Variants in CPM observed in about 807,000 individuals in gnomAD.
The protein encoded by CPM is renal carboxypeptidase.
In CPM, 35 loss-of-function variants were observed where a neutral mutation model predicts 46.4. That is an observed-to-expected ratio of 0.75 (90% confidence interval 0.58 to 1.00). The LOEUF is 1.00. Among genes scored for constraint, CPM ranks in the 50% least tolerant of loss-of-function variants. The pLI is 0.00. For synonymous variants in CPM, 195 were observed against 195.3 expected, an observed-to-expected ratio of 1.00 and a Z score of 0.01; for missense variants, 422 against 530.4, an observed-to-expected ratio of 0.80 and a Z score of 2.01.
At chr12:68,907,311 T>G (rs1887393539) in intron 2 of CPM, among the ~76,000 whole-genome samples, 3 of 152,328 alleles carry the variant, frequency 2.0e-5, no homozygotes, top group Middle Eastern at 6.8e-3. Context: ...AGGGTGATTC[T>G]GCGAACCTGG....
rs146717631 is a variant in CPM at position 68,889,820 on chromosome 12, C to T, written c.161-3931G>A. Among the ~76,000 whole-genome samples, 978 of 152,248 alleles carry T rather than the reference C, an allele frequency of 6.4e-3. 16 individuals carry two copies. Among genetic ancestry groups the T allele is most frequent in the African/African-American group, 0.022 (933 of 41,528 alleles). On this transcript the variant is annotated intron_variant, in intron 2 of 8. Coordinates refer to ENST00000551568, the MANE Select transcript of CPM (RefSeq NM_198320.5). ...GGCGCAAGTCCACTTGTGTCAGCAG[C>T]GTGTGTCAGCAAGATAGCAGAAGCA...
At chr12:68,899,953 T>C (rs1054674000) in intron 2 of CPM, among the ~76,000 whole-genome samples, 2 of 152,164 alleles carry the variant, frequency 1.3e-5, no homozygotes, top group African/African-American at 4.8e-5. Context: ...ATAAAGCAAA[T>C]GTGGCAAAAT....
intron 2 of CPM, among the ~76,000 whole-genome samples, chr12:68,913,089 G>A (rs1486042421): frequency 2.6e-5 from 4 of 151,580 alleles, no homozygotes; most frequent in Non-Finnish European, 5.9e-5. Flanking sequence ...AAGGATGCTG[G>A]GTAGATGCTG....
intron 2 of CPM, among the ~76,000 whole-genome samples, chr12:68,906,253 G>A (rs930626732): frequency 1.3e-5 from 2 of 152,250 alleles, no homozygotes; most frequent in Middle Eastern, 3.4e-3. Context: ...AGAATTACCT[G>A]AGGTATTTGT....
Position 68,959,191 on chromosome 12 carries a change from T to A in CPM, c.-4+3978A>T, listed in dbSNP as rs535313596. 7.2e-5 allele frequency among the ~76,000 whole-genome samples: 11 copies of A among 152,324 alleles called. No individual in the cohort carries two copies. The East Asian group carries it at 2.1e-3, about 29-fold the overall frequency. On this transcript the variant is annotated intron_variant, in intron 1 of 8. Coordinates refer to the CPM transcript ENST00000546373. Reference sequence around the variant, plus strand: ...CCTGGTCATCCCGTTCAGTGTTGCATCCCAGCACCCACAGCAGTCCCTGGC... The same window carrying A: ...CCTGGTCATCCCGTTCAGTGTTGCAACCCAGCACCCACAGCAGTCCCTGGC...
chr12:68,902,807 A>G (rs919726946), intron 2 of CPM, among the ~76,000 whole-genome samples: 1 of 152,204 alleles, frequency 6.6e-6, no homozygotes, highest in African/African-American at 2.4e-5. Flanking sequence ...ATGTTCCTCC[A>G]AAGTAAAACA....
At chr12:68,897,855 T>G (rs979265556) in intron 2 of CPM, among the ~76,000 whole-genome samples, 21 of 152,042 alleles carry the variant, frequency 1.4e-4, no homozygotes, top group African/African-American at 4.8e-4. Flanking sequence ...TGAGGTTTTG[T>G]TTCTTGCTGC....
At chr12:68,888,487 T>C (rs1157388415) in intron 2 of CPM, among the ~76,000 whole-genome samples, 1 of 152,204 alleles carries the variant, frequency 6.6e-6, no homozygotes, top group Non-Finnish European at 1.5e-5. Context: ...ATGACAGGCC[T>C]CTTGAAGGGT....
Position 68,954,343 on chromosome 12 carries a change from C to T in CPM, c.-4+8826G>A, listed in dbSNP as rs545076191. ...CTCTGAAACTGCCCTATAAAGGTTG[C>T]CAAAGACCTCCAAGGAGCACGTATT... On this transcript the variant is annotated intron_variant, in intron 1 of 8. Transcript: ENST00000546373. Among the ~76,000 whole-genome samples the T allele has an allele frequency of 2.0e-5, 3 of 152,256 alleles. No individual in the cohort carries two copies. In the South Asian group the frequency reaches 6.2e-4, roughly 32 times the overall value.
At chr12:68,904,683 C>T (rs1298589859) in intron 2 of CPM, among the ~76,000 whole-genome samples, 2 of 152,220 alleles carry the variant, frequency 1.3e-5, no homozygotes, top group Non-Finnish European at 2.9e-5. Flanking sequence ...CCACTCTCTC[C>T]ATTTAACACA....
At position 68,906,547 on chromosome 12, in the gene CPM, T is replaced by G. The variant is rs573419901; in HGVS notation, c.161-20658A>C. On this transcript the variant is annotated intron_variant, in intron 2 of 8. Transcript: ENST00000551568. ...CTCTGTCACCCAGGCTGGAGTGTAG[T>G]GGCACGATCTTGGTTCACCGCAGCC... 2.1e-4 allele frequency among the ~76,000 whole-genome samples: 32 copies of G among 152,274 alleles called. No homozygotes were observed. In the South Asian group the frequency reaches 6.4e-3, roughly 31 times the overall value.
At chr12:68,879,581 T>C (rs973556743) in intron 3 of CPM, among the ~76,000 whole-genome samples, 6 of 152,108 alleles carry the variant, frequency 3.9e-5, no homozygotes, top group African/African-American at 1.2e-4. Flanking sequence ...CTCAGGCTAG[T>C]CTTGAACTCC....
intron 1 of CPM, among the ~76,000 whole-genome samples, chr12:68,962,210 A>AAAAAACC (rs1555203342): frequency 5.5e-5 from 8 of 146,006 alleles, no homozygotes; most frequent in African/African-American, 2.1e-4. Flanking sequence ...AAAAAAAAAA[A>AAAAAACC]AAAAAAAACC....
chr12:68,932,544 A>C, intron 2 of CPM, 134 bp downstream of exon 2: 20 of 921,752 alleles, frequency 2.2e-5, no homozygotes, highest in Non-Finnish European at 2.9e-5. Flanking sequence ...ACCAACACGC[A>C]CGGTACCGGT....
chr12:68,872,230 A>AGCTGCTGC (rs1565773331), intron 3 of CPM, among the ~76,000 whole-genome samples: 1 of 147,368 alleles, frequency 6.8e-6, no homozygotes, highest in African/African-American at 2.6e-5. Context: ...GAGTGGAATA[A>AGCTGCTGC]TGCTGCTGCT....
intron 2 of CPM, among the ~76,000 whole-genome samples, chr12:68,931,763 A>AAAAAAAAGAAAG (rs1482981614): frequency 5.3e-5 from 7 of 132,528 alleles, no homozygotes; most frequent in African/African-American, 1.2e-4. Flanking sequence ...AAAAAAAAAA[A>AAAAAAAAGAAAG]AAAGAAAGAA....
intron 2 of CPM, among the ~76,000 whole-genome samples, chr12:68,909,833 T>TG (rs1243163130): frequency 2.0e-4 from 1 of 4,938 alleles, no homozygotes; most frequent in Non-Finnish European, 4.5e-4. Flanking sequence ...TGGGGCCTGT[T>TG]GGGGGGTGGG....
intron 2 of CPM, among the ~76,000 whole-genome samples, chr12:68,891,211 CAAG>C (rs1410241430): frequency 6.6e-6 from 1 of 152,244 alleles, no homozygotes; most frequent in East Asian, 1.9e-4. Context: ...ACCCCACACA[CAAG>C]AAGTTTATCA....
chr12:68,914,019 C>T, intron 2 of CPM: 2 of 713,834 alleles, frequency 2.8e-6, no homozygotes, highest in Middle Eastern at 3.9e-4. Context: ...GGACTGCGGC[C>T]TCTTCAAATC....
Sources: gnomAD v4.1 joint callset for allele counts (sites outside exome capture counted in the v4.1 genomes callset) on GRCh38, gnomAD v4.1.1 for gene constraint, MANE v1.5 for transcripts, NCBI Gene and HGNC (gene_info 2026-07-23, HGNC 2026-07-21) for gene names.